PRKD1: variants seen among roughly 807,000 people sequenced by gnomAD.
The protein encoded by PRKD1 is serine/threonine-protein kinase D1.
PRKD1 carries 63 observed loss-of-function variants against 95.9 expected under a neutral mutation model. The ratio of observed to expected loss-of-function variants is 0.66; its 90% CI spans 0.54 to 0.81. The LOEUF is 0.81. Among genes scored for constraint, PRKD1 ranks in the 30% least tolerant of loss-of-function variants. The pLI is 0.00. For missense variants in PRKD1, 1,048 were observed against 1,165.3 expected (o/e 0.90, Z 1.47); for synonymous variants, 425 against 423.1 (o/e 1.00, Z -0.05).
At chr14:29,768,754 T>C (rs1172657442) in intron 1 of PRKD1, among the ~76,000 whole-genome samples, 1 of 152,012 alleles carries the variant, frequency 6.6e-6, no homozygotes, top group Non-Finnish European at 1.5e-5. Context: ...GTATTCTGCT[T>C]TCTCTTTGTC....
intron 1 of PRKD1, among the ~76,000 whole-genome samples, chr14:29,850,296 C>T (rs2139336565): frequency 6.6e-6 from 1 of 152,118 alleles, no homozygotes; most frequent in Non-Finnish European, 1.5e-5. Flanking sequence ...GATTCTATAC[C>T]TAGAAAACCC....
chr14:29,871,052 C>G (rs1447708397), intron 1 of PRKD1, among the ~76,000 whole-genome samples: 1 of 152,182 alleles, frequency 6.6e-6, no homozygotes, highest in Non-Finnish European at 1.5e-5. Context: ...ATTGGCAGTG[C>G]TCTTGCCACA....
chr14:29,699,876 T>C (rs561845674), intron 2 of PRKD1, among the ~76,000 whole-genome samples: 13 of 152,312 alleles, frequency 8.5e-5, no homozygotes, highest in Admixed American at 3.3e-4. Flanking sequence ...CAAAACCACA[T>C]TGTTTTAATT....
At chr14:29,702,893 A>G (rs1884909247) in intron 2 of PRKD1, among the ~76,000 whole-genome samples, 1 of 152,056 alleles carries the variant, frequency 6.6e-6, no homozygotes, top group South Asian at 2.1e-4. Flanking sequence ...TAATTTCATG[A>G]TTTGTTTGTT....
At chr14:29,586,637 T>C (rs1160136833) in intron 16 of PRKD1, among the ~76,000 whole-genome samples, 2 of 152,024 alleles carry the variant, frequency 1.3e-5, no homozygotes, top group African/African-American at 2.4e-5. Context: ...CTTTACTCTC[T>C]CCTTTTTTTG....
intron 2 of PRKD1, among the ~76,000 whole-genome samples, chr14:29,693,200 T>C (rs761772135): frequency 6.6e-6 from 1 of 152,178 alleles, no homozygotes; most frequent in Non-Finnish European, 1.5e-5. Context: ...TTGAAACTCA[T>C]GTTGTCACAG....
In PRKD1 at chr14:29,634,446, A is replaced by T. The variant is rs1174177573; in HGVS notation, c.1286T>A (p.Met429Lys). The T allele has an allele frequency of 6.2e-7, 1 of 1,613,894 alleles. No individual in the cohort carries two copies. Among genetic ancestry groups the T allele is most frequent in the Non-Finnish European group, 8.5e-7 (1 of 1,179,954 alleles). ...KSSTVMKEGW[M>K]VHYTSKDTLR... ...CGTGTCCTTGCTGGTGTAGTGGACC[A>T]TCCATCCTTCTTTCATGACTGTGCT... The change falls in exon 8 of 18, where the codon ATG becomes AAG. Residue 429 changes from methionine (M) to lysine (K), a missense_variant. Physicochemically the swap from Met to Lys is moderately conservative, Grantham distance 95. Transcript: ENST00000331968.
intron 11 of PRKD1, 149 bp from the exon 12 acceptor site, chr14:29,626,705 T>G (rs763114315): frequency 1.8e-5 from 6 of 335,136 alleles, no homozygotes; most frequent in Non-Finnish European, 2.9e-5. Context: ...GACTGTAATA[T>G]TCAAAGCACA....
At chr14:29,787,608 T>C (rs1041469045) in intron 1 of PRKD1, among the ~76,000 whole-genome samples, 5 of 152,140 alleles carry the variant, frequency 3.3e-5, no homozygotes, top group African/African-American at 1.2e-4. Context: ...TTTATATATT[T>C]TTAACTTAAA....
intron 1 of PRKD1, among the ~76,000 whole-genome samples, chr14:29,746,857 A>T (rs926468945): frequency 6.6e-6 from 1 of 152,158 alleles, no homozygotes; most frequent in Non-Finnish European, 1.5e-5. Context: ...GGAGAATATG[A>T]CTGGAATGCA....
In PRKD1 at chr14:29,826,659, GTGTGTATATA is replaced by G. The variant is rs796431834; in HGVS notation, c.264+100580_264+100589del. Among the ~76,000 whole-genome samples, 673 of 32,938 alleles carry G rather than the reference GTGTGTATATA, an allele frequency of 0.02. 65 individuals are homozygous for G. In the East Asian group the frequency reaches 0.25, roughly 12 times the overall value. The allele number at this position is 32,938 out of a possible 152,430, so 21.6% of individuals were successfully genotyped here. Reference sequence around the variant, plus strand: ...TGTGTGTGTGTATATATATGTGTGTGTGTGTATATATGTGTATATATATATACACACATAT... The same window carrying G: ...TGTGTGTGTGTATATATATGTGTGTGTGTGTATATATATATACACACATAT... On this transcript the variant is annotated intron_variant, in intron 1 of 17. Coordinates refer to ENST00000331968, the MANE Select transcript of PRKD1 (RefSeq NM_002742.3).
At chr14:29,666,046 A>G (rs776037965) in intron 3 of PRKD1, 31 bp downstream of exon 3, 1 of 1,567,676 alleles carries the variant, frequency 6.4e-7, no homozygotes, top group South Asian at 1.2e-5. Flanking sequence ...AACAGCACAC[A>G]TTTAACTTGC....
intron 2 of PRKD1, among the ~76,000 whole-genome samples, chr14:29,671,469 G>C (rs1244291356): frequency 6.6e-6 from 1 of 152,174 alleles, no homozygotes; most frequent in East Asian, 1.9e-4. Flanking sequence ...GTTTCATGTG[G>C]AAAGAATGAA....
At chr14:29,666,509 T>C (rs565253742) in intron 2 of PRKD1, among the ~76,000 whole-genome samples, 1 of 152,166 alleles carries the variant, frequency 6.6e-6, no homozygotes, top group Admixed American at 6.5e-5. Context: ...ACACCTGATT[T>C]ACAAACACCT....
intron 1 of PRKD1, among the ~76,000 whole-genome samples, chr14:29,831,318 G>T (rs1326084671): frequency 1.3e-5 from 2 of 152,164 alleles, no homozygotes; most frequent in African/African-American, 4.8e-5. Context: ...TTTAAGATGA[G>T]ATAATGAAAC....
intron 1 of PRKD1, among the ~76,000 whole-genome samples, chr14:29,821,648 A>T (rs564105153): frequency 6.6e-6 from 1 of 152,342 alleles, no homozygotes; most frequent in Non-Finnish European, 1.5e-5. Context: ...TTCAGGGCTT[A>T]TAAAGCAACA....
intron 4 of PRKD1, among the ~76,000 whole-genome samples, chr14:29,653,638 T>C (rs1022458468): frequency 6.6e-6 from 1 of 152,108 alleles, no homozygotes; most frequent in Non-Finnish European, 1.5e-5. Flanking sequence ...TCTGGCCATG[T>C]TGATTTATTT....
intron 1 of PRKD1, among the ~76,000 whole-genome samples, chr14:29,765,731 T>C (rs770564080): frequency 2.6e-4 from 39 of 152,158 alleles, no homozygotes; most frequent in Non-Finnish European, 2.9e-4. Context: ...TAAACAACAA[T>C]GTAAATAAAT....
intron 1 of PRKD1, among the ~76,000 whole-genome samples, chr14:29,924,526 G>A (rs1026029317): frequency 6.6e-6 from 1 of 152,152 alleles, no homozygotes; most frequent in Non-Finnish European, 1.5e-5. Flanking sequence ...TATGATCTAT[G>A]TTAGTACTTA....
Sources: gnomAD v4.1 joint callset for allele counts (sites outside exome capture counted in the v4.1 genomes callset) on GRCh38, gnomAD v4.1.1 for gene constraint, MANE v1.5 for transcripts, NCBI Gene and HGNC (gene_info 2026-07-23, HGNC 2026-07-21) for gene names.